Variants in FAT4 observed in about 807,000 individuals in gnomAD.
FAT4 encodes FAT atypical cadherin 4, also known as protocadherin Fat 4.
FAT4 carries 84 observed loss-of-function variants against 303.9 expected under a neutral mutation model. The observed-to-expected ratio is 0.28, with a 90% CI of 0.23 to 0.33. The LOEUF (loss-of-function observed/expected upper bound fraction) is 0.33. FAT4 is among the 10% of genes least tolerant of loss of function. FAT4 has a pLI of 1.00. For missense variants in FAT4, 6,005 were observed against 6,146.8 expected, an observed-to-expected ratio of 0.98 and a Z score of 0.77; for synonymous variants, 2,307 against 2,298.8, an observed-to-expected ratio of 1.00 and a Z score of -0.10.
chr4:125,491,795 T>G lies in FAT4; in HGVS notation c.*27T>G, dbSNP rs748171190. Reference sequence around the variant, plus strand: ...GTTTATGTACTGGCACTATAAAATATAAAAACAAGAAATAATACTCAAACC... The same window carrying G: ...GTTTATGTACTGGCACTATAAAATAGAAAAACAAGAAATAATACTCAAACC... On this transcript the variant is annotated 3_prime_UTR_variant, in exon 18 of 18. Coordinates refer to ENST00000394329, the MANE Select transcript of FAT4 (RefSeq NM_001291303.3). 1 of 1,548,514 alleles carries G rather than the reference T, an allele frequency of 6.5e-7. No individual in the cohort carries two copies. Among genetic ancestry groups the G allele is most frequent in the Non-Finnish European group, 8.7e-7 (1 of 1,151,044 alleles).
Position 125,320,812 on chromosome 4 carries a change from C to G in FAT4, c.4401C>G (p.Asn1467Lys). 6.2e-7 allele frequency: 1 copy of G among 1,614,068 alleles called. No homozygotes were observed. The highest frequency in any genetic ancestry group is 1.1e-5 in the South Asian group (1 of 91,078). The change falls in exon 2 of 18, where the codon AAC becomes AAG. Residue 1467 changes from asparagine (N) to lysine (K), a missense_variant. Transcript: ENST00000394329. Reference sequence around the variant, plus strand: ...TCATTCAACAGATGCCAAGAGGCAACCACTTTACCATAGATGAAGTCAAAG... The same window carrying G: ...TCATTCAACAGATGCCAAGAGGCAAGCACTTTACCATAGATGAAGTCAAAG... ...YTIIQQMPRG[N>K]HFTIDEVKGT...
At chr4:125,410,451 T>A (rs1734797299) in intron 5 of FAT4, among the ~76,000 whole-genome samples, 1 of 152,156 alleles carries the variant, frequency 6.6e-6, no homozygotes. Flanking sequence ...TTAGTCCCTA[T>A]TTTGGAGATT....
At chr4:125,426,830 A>G (rs1481398795) in intron 7 of FAT4, among the ~76,000 whole-genome samples, 2 of 152,014 alleles carry the variant, frequency 1.3e-5, no homozygotes, top group Non-Finnish European at 2.9e-5. Flanking sequence ...AACTATGATT[A>G]ATATTTATGA....
In FAT4 at chr4:125,455,841, C is replaced by T. The variant is rs188321070; in HGVS notation, c.11800+3031C>T. 2.8e-3 allele frequency among the ~76,000 whole-genome samples: 419 copies of T among 152,266 alleles called. 10 individuals are homozygous for T. Among genetic ancestry groups the T allele is most frequent in the Non-Finnish European group, 6.0e-4 (41 of 68,020 alleles). On this transcript the variant is annotated intron_variant, in intron 10 of 17. Transcript: ENST00000394329. ...GTATTGTCTGAGACTGATCAGAAAT[C>T]GGAACTACTCTCAGACTTTGAGGCA...
At chr4:125,385,265 T>A (rs1034833082) in intron 2 of FAT4, among the ~76,000 whole-genome samples, 2 of 151,846 alleles carry the variant, frequency 1.3e-5, no homozygotes, top group Non-Finnish European at 2.9e-5. Flanking sequence ...TCAGGTGATC[T>A]ACCTGCCTCG....
Position 125,491,207 on chromosome 4 carries a change from C to T in FAT4, c.14391C>T (p.Leu4797=). Residue 4797 remains leucine (L), a synonymous_variant, in exon 18 of 18, where the codon CTC becomes CTT. Transcript: ENST00000394329. ...TTTCTATTGAAGAAGTGGAGAGGCT[C>T]AACACACCTCGCCCTAGAAACCCAA... is the stretch of plus-strand genomic sequence containing the variant. ...VGLSIEEVER[L]NTPRPRNPSI... The T allele has an allele frequency of 6.2e-7, 1 of 1,614,070 alleles. No homozygotes were observed. The highest frequency in any genetic ancestry group is 8.5e-7 in the Non-Finnish European group (1 of 1,180,028).
At chr4:125,348,713 A>T (rs1732100647) in intron 2 of FAT4, among the ~76,000 whole-genome samples, 1 of 151,708 alleles carries the variant, frequency 6.6e-6, no homozygotes, top group African/African-American at 2.4e-5. Flanking sequence ...GTCTGCATGG[A>T]TAATAGCCAT....
chr4:125,391,588 T>G (rs56364084), intron 2 of FAT4, among the ~76,000 whole-genome samples: 323 of 152,244 alleles, frequency 2.1e-3, no homozygotes, highest in Non-Finnish European at 3.3e-3. Flanking sequence ...CCATGGCACA[T>G]GTATACCTAT....
intron 2 of FAT4, among the ~76,000 whole-genome samples, chr4:125,389,597 A>G (rs1274664340): frequency 6.6e-6 from 1 of 152,122 alleles, no homozygotes; most frequent in Admixed American, 6.5e-5. Context: ...TAGTGGTCCT[A>G]TTAGTTTTCC....
intron 2 of FAT4, among the ~76,000 whole-genome samples, chr4:125,377,673 G>C (rs1285956575): frequency 3.3e-5 from 5 of 151,974 alleles, no homozygotes; most frequent in Non-Finnish European, 5.9e-5. Context: ...AGTTTTATAG[G>C]TAAAATATGT....
At chr4:125,328,567 G>A (rs866551953) in intron 2 of FAT4, among the ~76,000 whole-genome samples, 1 of 152,188 alleles carries the variant, frequency 6.6e-6, no homozygotes, top group African/African-American at 2.4e-5. Flanking sequence ...TGGCAGGTGG[G>A]AGCAAGTGGC....
intron 2 of FAT4, among the ~76,000 whole-genome samples, chr4:125,371,880 A>C (rs1733127656): frequency 6.6e-6 from 1 of 152,154 alleles, no homozygotes; most frequent in Non-Finnish European, 1.5e-5. Flanking sequence ...CGGGGGCATC[A>C]TAAACAACAA....
At chr4:125,324,230 T>C (rs780942884) in intron 2 of FAT4, among the ~76,000 whole-genome samples, 1 of 152,216 alleles carries the variant, frequency 6.6e-6, no homozygotes, top group Non-Finnish European at 1.5e-5. Flanking sequence ...TGTGGCATTT[T>C]TCTAGGTTCA....
chr4:125,361,766 C>A (rs1428847195), intron 2 of FAT4, among the ~76,000 whole-genome samples: 1 of 152,072 alleles, frequency 6.6e-6, no homozygotes, highest in Non-Finnish European at 1.5e-5. Context: ...GTTTTATTAC[C>A]TGCAACCGTT....
chr4:125,481,875 G>A, intron 16 of FAT4, 137 bp downstream of exon 16: 1 of 711,310 alleles, frequency 1.4e-6, no homozygotes, highest in South Asian at 1.8e-5. Context: ...CTATTCCAAT[G>A]TCATCTATCT....
At chr4:125,337,560 CAAG>C (rs1731621605) in intron 2 of FAT4, among the ~76,000 whole-genome samples, 1 of 151,782 alleles carries the variant, frequency 6.6e-6, no homozygotes, top group Non-Finnish European at 1.5e-5. Flanking sequence ...TATTTAACTA[CAAG>C]TTAATAACTA....
In FAT4 at chr4:125,317,311, T is replaced by G. The variant is rs377494101; in HGVS notation, c.900T>G (p.Pro300=). The change falls in exon 2 of 18, where the codon CCT becomes CCG. Residue 300 remains proline, a synonymous_variant. Transcript: ENST00000394329. The surrounding 1 kb of genome is among the most constrained non-coding windows in gnomAD (Gnocchi z 7.0). ...AGGGGACCCCCTTCCAAATGGACCC[T>G]GAGACGGGACTTATCACGGTGCGGG... ...QDEGTPFQMD[P]ETGLITVREP... The G allele has an allele frequency of 6.2e-7, 1 of 1,604,356 alleles. No individual in the cohort carries two copies. The highest frequency in any genetic ancestry group is 2.2e-5 in the East Asian group (1 of 44,618).
At chr4:125,377,982 G>A (rs954320880) in intron 2 of FAT4, among the ~76,000 whole-genome samples, 2 of 151,954 alleles carry the variant, frequency 1.3e-5, no homozygotes, top group Non-Finnish European at 2.9e-5. Flanking sequence ...ACTATTGCAC[G>A]TATGCCCAGG....
At position 125,449,654 on chromosome 4, in the gene FAT4, G is replaced by T; in HGVS notation, c.8644G>T (p.Asp2882Tyr). 1 of 1,613,946 alleles carries T rather than the reference G, an allele frequency of 6.2e-7. No homozygotes were observed. Among genetic ancestry groups the T allele is most frequent in the South Asian group, 1.1e-5 (1 of 91,070 alleles). ...PRFSRTSYYL[D>Y]CPELTEIGSK... is the part of the protein sequence containing the mutation. ...ATTTAGCAGAACTTCCTATTATTTA[G>T]ATTGCCCTGAACTTACTGAGATTGG... The change falls in exon 10 of 18, where the codon GAT (aspartate) becomes TAT (tyrosine). Residue 2882 changes from aspartate to tyrosine, a missense_variant. Transcript: ENST00000394329.
Sources: gnomAD v4.1 joint callset for allele counts (sites outside exome capture counted in the v4.1 genomes callset) on GRCh38, gnomAD v4.1.1 for gene constraint, Gnocchi (gnomAD v3.1) non-coding constraint, MANE v1.5 for transcripts, NCBI Gene and HGNC (gene_info 2026-07-23, HGNC 2026-07-21) for gene names.